The following LGALS12 variants were observed in gnomAD, a reference collection of about 807,000 sequenced individuals.
LGALS12 encodes galectin 12.
A neutral mutation model predicts 36.8 loss-of-function variants in LGALS12; 36 were observed. The observed-to-expected ratio is 0.98, with a 90% CI of 0.75 to 1.29. The LOEUF (loss-of-function observed/expected upper bound fraction) is 1.29, where lower values mean the gene tolerates loss of function less well. LGALS12 is among the 50% of genes most tolerant of loss of function. LGALS12 has a pLI of 0.00. For missense variants in LGALS12, 366 were observed against 394.3 expected, an observed-to-expected ratio of 0.93 and a Z score of 0.61; for synonymous variants, 145 against 155.9, an observed-to-expected ratio of 0.93 and a Z score of 0.52.
chr11:63,516,325 C>T lies in LGALS12; in HGVS notation c.877C>T (p.Gln293Ter), dbSNP rs749569763. 3.1e-6 allele frequency: 5 copies of T among 1,613,044 alleles called. No individual in the cohort carries two copies. In the Admixed American group the frequency reaches 6.7e-5, roughly 22 times the overall value. Residue 293 changes from glutamine to a stop codon, truncating the protein, a stop_gained, in exon 9 of 9, where the codon CAG becomes TAG. Coordinates refer to ENST00000394618, the MANE Select transcript of LGALS12 (RefSeq NM_033101.4). LOFTEE classifies it high-confidence loss of function. ...QGLGATSMNQ[Q>*]ALEQLRELRI... ...GCTGGGGGCCACCAGCATGAACCAGCAGGCCCTGGAGCAGCTGCGGGAGCT... is the reference window on the plus strand; with the variant it reads ...GCTGGGGGCCACCAGCATGAACCAGTAGGCCCTGGAGCAGCTGCGGGAGCT...
rs781062769 is a variant in LGALS12 at position 63,511,765 on chromosome 11, C to A, written c.572C>A (p.Ser191Ter). 59 of 1,613,194 alleles carry A rather than the reference C, an allele frequency of 3.7e-5. No individual in the cohort carries two copies. Among genetic ancestry groups the A allele is most frequent in the Non-Finnish European group, 4.9e-5 (58 of 1,179,514 alleles). ...LMSPRLEVPC[S>*]HALPQGLSPG... is the part of the protein sequence containing the mutation. ...TTGTTCCTTCAGGAGGTGCCCTGCT[C>A]ACATGCTCTTCCCCAGGGTCTCTCG... Residue 191 changes from serine to a stop codon, truncating the protein, a stop_gained, in exon 7 of 9, where the codon TCA becomes TAA. Coordinates refer to ENST00000394618, the MANE Select transcript of LGALS12 (RefSeq NM_033101.4). LOFTEE classifies it high-confidence loss of function.
intron 1 of LGALS12, among the ~76,000 whole-genome samples, chr11:63,507,241 G>A (rs747762806): frequency 1.2e-4 from 18 of 152,138 alleles, no homozygotes; most frequent in Non-Finnish European, 2.2e-4. Context: ...CCCAGGTTAC[G>A]GCAGCTCCTT....
chr11:63,509,105 C>A, intron 3 of LGALS12, 114 bp downstream of exon 3: 1 of 846,978 alleles, frequency 1.2e-6, no homozygotes, highest in Non-Finnish European at 1.9e-6. Context: ...TGGTCAGGTA[C>A]CAAGAGGACC....
rs766135112 is a variant in LGALS12, at chr11:63,508,922, G to T, written c.303G>T (p.Trp101Cys). Residue 101 changes from tryptophan to cysteine, a missense_variant, in exon 3 of 9, where the codon TGG (tryptophan) becomes TGT (cysteine). Trp to Cys is a radical substitution (Grantham distance 215). Coordinates refer to ENST00000394618, the MANE Select transcript of LGALS12 (RefSeq NM_033101.4). Reference sequence around the variant, plus strand: ...GACGCTGGCAAAGGGAGGCCCGGTGGCCCCACCTGGCCCTGCGAAGAGGCT... The same window carrying T: ...GACGCTGGCAAAGGGAGGCCCGGTGTCCCCACCTGGCCCTGCGAAGAGGCT... ...HGGRWQREAR[W>C]PHLALRRGSS... 8 of 1,614,226 alleles carry T rather than the reference G, an allele frequency of 5.0e-6. No homozygotes were observed. The highest frequency in any genetic ancestry group is 5.9e-6 in the Non-Finnish European group (7 of 1,180,020).
chr11:63,516,122 T>C (rs769314628), intron 8 of LGALS12, 125 bp from the exon 9 acceptor site: 1 of 1,215,922 alleles, frequency 8.2e-7, no homozygotes, highest in Non-Finnish European at 1.1e-6. Flanking sequence ...AGCACTGTAC[T>C]GGGTGCCCCC....
At chr11:63,512,788 CAA>C (rs35347135) in intron 7 of LGALS12, among the ~76,000 whole-genome samples, 13 of 111,328 alleles carry the variant, frequency 1.2e-4, no homozygotes, top group Non-Finnish European at 9.6e-5. Flanking sequence ...GACTCCATCT[CAA>C]AAAAAAAAAA....
intron 4 of LGALS12, 77 bp downstream of exon 4, chr11:63,509,974 C>T (rs1310123585): frequency 5.9e-6 from 9 of 1,525,096 alleles, no homozygotes; most frequent in African/African-American, 5.5e-5. Context: ...CCTGGGACCC[C>T]TTCCTCCACC....
chr11:63,513,490 C>A (rs77007180), intron 7 of LGALS12, among the ~76,000 whole-genome samples: 3,113 of 152,226 alleles, frequency 0.02, 107 homozygotes, highest in African/African-American at 0.071. Flanking sequence ...AAAATAGAAG[C>A]CATCTTTTAT....
intron 6 of LGALS12, 67 bp from the exon 7 acceptor site, chr11:63,511,685 C>A: frequency 8.6e-7 from 1 of 1,164,866 alleles, no homozygotes; most frequent in South Asian, 1.2e-5. Flanking sequence ...CCCTGGCCCC[C>A]GGGGATGGGC....
At chr11:63,515,502 C>A in intron 7 of LGALS12, 61 bp from the exon 8 acceptor site, 1 of 1,586,858 alleles carries the variant, frequency 6.3e-7, no homozygotes, top group Non-Finnish European at 8.6e-7. Flanking sequence ...CCCCTGGGGG[C>A]TGAGCAGCGG....
At position 63,508,885 on chromosome 11, in the gene LGALS12, C is replaced by A; in HGVS notation, c.266C>A (p.Thr89Asn). The change falls in exon 3 of 9, where the codon ACC becomes AAC. Residue 89 changes from threonine (T) to asparagine (N), a missense_variant. Physicochemically the swap from Thr to Asn is moderately conservative, Grantham distance 65. Transcript: ENST00000394618. The stretch of plus-strand genomic sequence containing the variant: ...ACCAAGCCCCATGTCATCTGCAACA[C>A]CCTGCATGGTGGACGCTGGCAAAGG... ...HTTKPHVICN[T>N]LHGGRWQREA... is the part of the protein sequence containing the mutation. 1 of 1,614,266 alleles carries A rather than the reference C, an allele frequency of 6.2e-7. No homozygotes were observed. Among genetic ancestry groups the A allele is most frequent in the South Asian group, 1.1e-5 (1 of 91,092 alleles).
chr11:63,508,962 C>T lies in LGALS12; in HGVS notation c.343C>T (p.Leu115Phe), dbSNP rs777519527. The change falls in exon 3 of 9, where the codon CTC becomes TTC. Residue 115 changes from leucine (L) to phenylalanine (F), a missense_variant. By Grantham distance (22) the Leu-to-Phe change is conservative. Coordinates refer to ENST00000394618, the MANE Select transcript of LGALS12 (RefSeq NM_033101.4). Reference protein sequence around the residue: ...ALRRGSSFLILFLFGNEEVKV... With the variant: ...ALRRGSSFLIFFLFGNEEVKV... ...GCGAAGAGGCTCCAGCTTCCTCATC[C>T]TCTTTCTCTTCGGGAATGAGGAAGT... 3.4e-5 allele frequency: 55 copies of T among 1,614,014 alleles called. No homozygotes were observed. In the Middle Eastern group the frequency reaches 4.9e-4, roughly 14 times the overall value.
intron 1 of LGALS12, among the ~76,000 whole-genome samples, chr11:63,507,159 G>C (rs1168948964): frequency 1.3e-5 from 2 of 152,192 alleles, no homozygotes; most frequent in Non-Finnish European, 2.9e-5. Flanking sequence ...AACCAGCTGA[G>C]CTTGCCAAGC....
In LGALS12 at chr11:63,508,815, C is replaced by T. The variant is rs763759089; in HGVS notation, c.196C>T (p.Pro66Ser). The T allele has an allele frequency of 7.4e-6, 12 of 1,614,090 alleles. No homozygotes were observed. In the African/African-American group the frequency reaches 1.2e-4, roughly 16 times the overall value. Residue 66 changes from proline (P) to serine (S), a missense_variant, in exon 3 of 9, where the codon CCC (proline) becomes TCC (serine). Physicochemically the swap from Pro to Ser is moderately conservative, Grantham distance 74. Transcript: ENST00000394618. The stretch of plus-strand genomic sequence containing the variant: ...CTTCCAGTGTGGCTGCAGCCTGTGT[C>T]CCCGGCCAGATATCGCCTTCCACTT... ...VDFQCGCSLCPRPDIAFHFNP... is the reference protein window; with the variant it reads ...VDFQCGCSLCSRPDIAFHFNP...
At chr11:63,511,269 A>G (rs2016912253) in intron 6 of LGALS12, among the ~76,000 whole-genome samples, 164 bp downstream of exon 6, 2 of 131,000 alleles carry the variant, frequency 1.5e-5, no homozygotes, top group South Asian at 5.6e-4. Context: ...CCCCAGCCGC[A>G]TGATTTCCCC....
intron 7 of LGALS12, among the ~76,000 whole-genome samples, chr11:63,513,642 C>A (rs1010396180): frequency 3.3e-5 from 5 of 152,192 alleles, no homozygotes; most frequent in African/African-American, 4.8e-5. Context: ...AGGCTGCAAC[C>A]AATGCAGCTG....
intron 8 of LGALS12, 128 bp from the exon 9 acceptor site, chr11:63,516,119 T>C: frequency 8.4e-7 from 1 of 1,186,944 alleles, no homozygotes; most frequent in Non-Finnish European, 1.2e-6. Context: ...TCCAGCACTG[T>C]ACTGGGTGCC....
chr11:63,506,430 G>C lies in LGALS12; in HGVS notation c.-29G>C. On this transcript the variant is annotated 5_prime_UTR_variant, in exon 1 of 9. Transcript: ENST00000394618. ...AGTGGGGGCAGGGCTCCTGGAACGA[G>C]GATCTACAGTTGGAGTTGCCCCACT... 1 of 1,614,224 alleles carries C rather than the reference G, an allele frequency of 6.2e-7. No individual in the cohort carries two copies. The highest frequency in any genetic ancestry group is 8.5e-7 in the Non-Finnish European group (1 of 1,180,032).
At chr11:63,506,763 C>G (rs989420872) in intron 1 of LGALS12, among the ~76,000 whole-genome samples, 1 of 152,148 alleles carries the variant, frequency 6.6e-6, no homozygotes, top group Non-Finnish European at 1.5e-5. Flanking sequence ...AGTGGCGAAG[C>G]CTGGAGCCAC....
Sources: allele counts gnomAD v4.1 joint callset (sites outside exome capture counted in the v4.1 genomes callset), GRCh38; gene constraint gnomAD v4.1.1; transcripts MANE v1.5; gene names NCBI Gene and HGNC (gene_info 2026-07-23, HGNC 2026-07-21).